COPS9: variants seen among roughly 807,000 people sequenced by gnomAD.
COPS9 encodes COP9 signalosome complex subunit 9.
In COPS9, 8 loss-of-function variants were observed where a neutral mutation model predicts 7.2. The observed-to-expected ratio is 1.11, with a 90% CI of 0.65 to 2.00. The LOEUF is 2.00. Among genes scored for constraint, COPS9 ranks in the 30% most tolerant of loss-of-function variants. The pLI is 0.00. For missense variants in COPS9, 74 were observed against 77.7 expected (o/e 0.95, Z 0.18); for synonymous variants, 39 against 28.7 (o/e 1.36, Z -1.14).
intron 1 of COPS9, among the ~76,000 whole-genome samples, chr2:240,135,114 GGA>G (rs1380324085): frequency 2.0e-5 from 3 of 152,006 alleles, no homozygotes; most frequent in African/African-American, 7.3e-5. Flanking sequence ...ATCTGGGTAG[GGA>G]GAGAGTCCCT....
At chr2:240,130,172 C>T (rs1024950186), downstream of COPS9, 9 of 647,462 alleles carry the variant, frequency 1.4e-5, no homozygotes, top group Non-Finnish European at 2.1e-5. Flanking sequence ...CTTCTGTAAA[C>T]ATGACAAGGT....
chr2:240,132,439 T>C lies in COPS9; in HGVS notation c.137-1351A>G, dbSNP rs1411378227. Among the ~76,000 whole-genome samples, 2 of 152,132 alleles carry C rather than the reference T, an allele frequency of 1.3e-5. No homozygotes were observed. Among genetic ancestry groups the C allele is most frequent in the Non-Finnish European group, 2.9e-5 (2 of 68,022 alleles). On this transcript the variant is annotated intron_variant, in intron 2 of 2. Transcript: ENST00000607357. This position sits in a 1 kb window ranked among gnomAD's most constrained non-coding sequence, Gnocchi z 4.1. Reference sequence around the variant, plus strand: ...GACAGTGAGTGCTTTGTGAACTTAGTGGGTGGGCAGGCAGGGGACACAGAG... The same window carrying C: ...GACAGTGAGTGCTTTGTGAACTTAGCGGGTGGGCAGGCAGGGGACACAGAG...
intron 2 of COPS9, 53 bp from the exon 3 acceptor site, chr2:240,131,141 G>T: frequency 6.3e-7 from 1 of 1,577,932 alleles, no homozygotes; most frequent in Non-Finnish European, 8.7e-7. Context: ...AAGGGCTGAA[G>T]AAATCACTTC....
In COPS9 at chr2:240,132,711, G is replaced by C. The variant is rs1160255389; in HGVS notation, c.136+1222C>G. On this transcript the variant is annotated intron_variant, in intron 2 of 2. Coordinates refer to ENST00000607357, the MANE Select transcript of COPS9 (RefSeq NM_001163424.2). The surrounding 1 kb of genome is among the most constrained non-coding windows in gnomAD (Gnocchi z 4.1). ...TGAAGGAGATCATCAAAATGCAAGC[G>C]TGTGGTGCCAGCATTAGCAACTGCC... is the stretch of plus-strand genomic sequence containing the variant. 2.6e-5 allele frequency among the ~76,000 whole-genome samples: 4 copies of C among 152,172 alleles called. No homozygotes were observed. The highest frequency in any genetic ancestry group is 2.6e-4 in the Admixed American group (4 of 15,282).
At chr2:240,126,755 G>C, downstream of COPS9, 1 of 1,614,186 alleles carries the variant, frequency 6.2e-7, no homozygotes, top group Non-Finnish European at 8.5e-7. Context: ...ACTTGGATTG[G>C]TTCTTCCGTA....
chr2:240,128,469 C>T (rs373155847), downstream of COPS9, among the ~76,000 whole-genome samples: 3 of 152,156 alleles, frequency 2.0e-5, no homozygotes, highest in Admixed American at 6.5e-5. Context: ...CCCTCGCCCT[C>T]GGCCCATTCT....
downstream of COPS9, among the ~76,000 whole-genome samples, chr2:240,129,354 G>A (rs1430384004): frequency 6.6e-6 from 1 of 152,086 alleles, no homozygotes. Context: ...GTATAGAGAG[G>A]GGGGTCTCGT....
chr2:240,134,277 A>G (rs2071951715), intron 1 of COPS9: 2 of 402,348 alleles, frequency 5.0e-6, no homozygotes, highest in Middle Eastern at 6.8e-4. Flanking sequence ...CCTAAGCACC[A>G]CTACTTCTCT....
intron 1 of COPS9, among the ~76,000 whole-genome samples, chr2:240,135,523 G>A (rs1261883782): frequency 4.9e-4 from 75 of 152,154 alleles, no homozygotes; most frequent in Admixed American, 4.9e-3. Flanking sequence ...CTGCCACTCT[G>A]AGCTAGGCTG....
chr2:240,126,961 T>C (rs2106553849), downstream of COPS9: 2 of 1,604,842 alleles, frequency 1.2e-6, no homozygotes, highest in East Asian at 4.5e-5. Context: ...ACAAGGAAGC[T>C]CGTGACACTA....
At chr2:240,131,548 C>T (rs1310911523) in intron 2 of COPS9, among the ~76,000 whole-genome samples, 4 of 152,210 alleles carry the variant, frequency 2.6e-5, no homozygotes, top group African/African-American at 7.2e-5. Context: ...ATGAGAAAGC[C>T]GGGCTAGGCT....
chr2:240,129,233 G>A (rs983970373), downstream of COPS9, among the ~76,000 whole-genome samples: 3 of 152,184 alleles, frequency 2.0e-5, no homozygotes, highest in South Asian at 2.1e-4. Context: ...TGCAATTATC[G>A]CTCACTGCAA....
chr2:240,133,867 T>C, intron 2 of COPS9, 66 bp downstream of exon 2: 1 of 1,520,946 alleles, frequency 6.6e-7, no homozygotes, highest in Non-Finnish European at 9.1e-7. Context: ...CCAAGTTGCT[T>C]CACTGCCTTC....
rs374605490 is a variant in COPS9 at position 240,132,316 on chromosome 2, C to T, written c.137-1228G>A. 2.0e-5 allele frequency among the ~76,000 whole-genome samples: 3 copies of T among 152,126 alleles called. No individual in the cohort carries two copies. The highest frequency in any genetic ancestry group is 1.9e-4 in the East Asian group (1 of 5,190). ...CAGCCCAGCAAACCCATCTGTTTGA[C>T]GAGTAAAAAGGACTTAGCAAAAGCC... On this transcript the variant is annotated intron_variant, in intron 2 of 2. Coordinates refer to ENST00000607357, the MANE Select transcript of COPS9 (RefSeq NM_001163424.2). This position sits in a 1 kb window ranked among gnomAD's most constrained non-coding sequence, Gnocchi z 4.1.
Position 240,136,273 on chromosome 2 carries a change from C to A in COPS9, c.12G>T (p.Ala4=), listed in dbSNP as rs924787199. 6.4e-7 allele frequency: 1 copy of A among 1,571,122 alleles called. No homozygotes were observed. The highest frequency in any genetic ancestry group is 1.4e-5 in the African/African-American group (1 of 70,966). The stretch of plus-strand genomic sequence containing the variant: ...CGCCCTCGGGGAACATCTCGTCCAC[C>A]GCCGGCTTCATCTCGGGGCCGCGGC... The part of the protein sequence containing the change: MKP[A]VDEMFPEGAG... Residue 4 remains alanine (A), a synonymous_variant, in exon 1 of 3, where the codon GCG becomes GCT. Coordinates refer to ENST00000607357, the MANE Select transcript of COPS9 (RefSeq NM_001163424.2).
chr2:240,129,199 G>A (rs958279799), downstream of COPS9, among the ~76,000 whole-genome samples: 53 of 152,318 alleles, frequency 3.5e-4, no homozygotes, highest in African/African-American at 1.0e-3. Flanking sequence ...CAGGGTTTCC[G>A]TGGCCCAGGC....
downstream of COPS9, among the ~76,000 whole-genome samples, chr2:240,130,645 G>A (rs1403111712): frequency 1.3e-5 from 2 of 152,234 alleles, no homozygotes; most frequent in African/African-American, 2.4e-5. Context: ...AGCTGTGCAC[G>A]GGCCGCGCTG....
downstream of COPS9, chr2:240,129,881 C>A: frequency 6.3e-7 from 1 of 1,596,228 alleles, no homozygotes; most frequent in South Asian, 1.1e-5. Flanking sequence ...CGGCCCAGTG[C>A]AGACCTTCTT....
intron 2 of COPS9, among the ~76,000 whole-genome samples, chr2:240,133,711 G>A (rs534357344): frequency 8.0e-4 from 122 of 152,294 alleles, no homozygotes; most frequent in Non-Finnish European, 9.3e-4. Context: ...GCTGCAAGCT[G>A]GGAACAATTT....
Sources: allele counts gnomAD v4.1 joint callset (sites outside exome capture counted in the v4.1 genomes callset), GRCh38; gene constraint gnomAD v4.1.1; non-coding constraint Gnocchi (gnomAD v3.1); transcripts MANE v1.5; gene names NCBI Gene and HGNC (gene_info 2026-07-23, HGNC 2026-07-21).